The following CEP85L variants were observed in gnomAD, a reference collection of about 807,000 sequenced individuals.
The protein encoded by CEP85L is centrosomal protein 85L.
In CEP85L, 60 loss-of-function variants were observed where a neutral mutation model predicts 100.3. The observed-to-expected ratio is 0.60, with a 90% CI of 0.49 to 0.74. The LOEUF (loss-of-function observed/expected upper bound fraction) is 0.74, where lower values mean the gene tolerates loss of function less well. CEP85L is among the 30% of genes least tolerant of loss of function. The pLI, the probability that CEP85L is intolerant of heterozygous loss-of-function variation, is 0.00. For synonymous variants in CEP85L, 319 were observed against 322.7 expected (o/e 0.99, Z 0.12); for missense variants, 973 against 936.2 (o/e 1.04, Z -0.51).
intron 2 of CEP85L, among the ~76,000 whole-genome samples, chr6:118,600,343 G>GTT (rs1781707488): frequency 7.4e-6 from 1 of 135,278 alleles, no homozygotes; most frequent in East Asian, 2.2e-4. Flanking sequence ...GTGTGTGTGT[G>GTT]TGTGTGTGTG....
chr6:118,600,300 G>GGTGTGTGTGTGTGTGTGTGTGTGTGT (rs59278037), intron 2 of CEP85L, among the ~76,000 whole-genome samples: 1 of 52,236 alleles, frequency 1.9e-5, no homozygotes, highest in East Asian at 5.9e-4. Context: ...CCTTCCTGGG[G>GGTGTGTGTGTGTGTGTGTGTGTGTGT]GTGTGTGTGT....
At chr6:118,519,367 A>T (rs1232982439) in intron 4 of CEP85L, among the ~76,000 whole-genome samples, 1 of 147,322 alleles carries the variant, frequency 6.8e-6, no homozygotes, top group Admixed American at 6.8e-5. Context: ...TGAACCCGGG[A>T]GGCGGAGGTT....
At chr6:118,697,368 T>G (rs1326361782) in intron 1 of CEP85L, among the ~76,000 whole-genome samples, 1 of 152,230 alleles carries the variant, frequency 6.6e-6, no homozygotes, top group Non-Finnish European at 1.5e-5. Flanking sequence ...GGTCTTTATC[T>G]TTCCACTTCC....
At chr6:118,493,917 G>C (rs982620509) in intron 5 of CEP85L, among the ~76,000 whole-genome samples, 1 of 152,028 alleles carries the variant, frequency 6.6e-6, no homozygotes, top group African/African-American at 2.4e-5. Context: ...AGCTAATACA[G>C]ACTTCCAGTT....
rs772201912 is a variant in CEP85L at position 118,566,002 on chromosome 6, A to T, written c.547T>A (p.Leu183Met). ...TVCREESRNG[L>M]EKIGKAKALT... ...GCCTTAGCCTTCCCTATCTTCTCCAAACCATTCCTTGACTCTTCTCTGCAT... is the reference window on the plus strand; with the variant it reads ...GCCTTAGCCTTCCCTATCTTCTCCATACCATTCCTTGACTCTTCTCTGCAT... The change falls in exon 3 of 13, where the codon TTG becomes ATG. Residue 183 changes from leucine (L) to methionine (M), a missense_variant. By Grantham distance (15) the Leu-to-Met change is conservative. Coordinates refer to ENST00000368491, the MANE Select transcript of CEP85L (RefSeq NM_001042475.3). The T allele has an allele frequency of 6.2e-7, 1 of 1,614,136 alleles. No homozygotes were observed. Among genetic ancestry groups the T allele is most frequent in the Non-Finnish European group, 8.5e-7 (1 of 1,180,026 alleles).
chr6:118,606,013 C>CA (rs61023993), intron 2 of CEP85L, among the ~76,000 whole-genome samples: 56,228 of 101,642 alleles, frequency 0.55, 13,855 homozygotes, highest in Middle Eastern at 0.66. Flanking sequence ...GACTCTGTCT[C>CA]AAAAAAAAAA....
chr6:118,490,492 C>T (rs1398693636), intron 6 of CEP85L, among the ~76,000 whole-genome samples: 2 of 152,158 alleles, frequency 1.3e-5, no homozygotes, highest in Non-Finnish European at 2.9e-5. Flanking sequence ...GAATTCCCAA[C>T]ACTAGTAGTG....
intron 4 of CEP85L, among the ~76,000 whole-genome samples, chr6:118,513,616 C>T (rs1354452765): frequency 6.6e-6 from 1 of 151,824 alleles, no homozygotes; most frequent in African/African-American, 2.4e-5. Context: ...GAAAACAACA[C>T]AAAAAGCATA....
intron 3 of CEP85L, among the ~76,000 whole-genome samples, chr6:118,555,326 G>C (rs911658916): frequency 4.6e-5 from 7 of 151,268 alleles, no homozygotes; most frequent in African/African-American, 1.7e-4. Context: ...TACTCGGGAG[G>C]CTAAGGCAGG....
chr6:118,552,890 C>A (rs1778634936), intron 3 of CEP85L, among the ~76,000 whole-genome samples: 1 of 152,066 alleles, frequency 6.6e-6, no homozygotes, highest in African/African-American at 2.4e-5. Flanking sequence ...AAACTCCTAA[C>A]AAGCACCTTT....
At chr6:118,546,197 G>A (rs1402040795) in intron 3 of CEP85L, among the ~76,000 whole-genome samples, 2 of 151,950 alleles carry the variant, frequency 1.3e-5, no homozygotes, top group Non-Finnish European at 2.9e-5. Flanking sequence ...TAACCCAAAG[G>A]AACAAGGTAA....
chr6:118,622,501 G>A (rs1371214574), intron 2 of CEP85L, among the ~76,000 whole-genome samples: 1 of 152,170 alleles, frequency 6.6e-6, no homozygotes, highest in African/African-American at 2.4e-5. Flanking sequence ...GGTACAAAGG[G>A]CAGGCTATGC....
chr6:118,484,920 T>G (rs139552416), intron 6 of CEP85L, among the ~76,000 whole-genome samples: 1 of 152,214 alleles, frequency 6.6e-6, no homozygotes, highest in African/African-American at 2.4e-5. Flanking sequence ...TGTGTCATAA[T>G]TGAATTTGCA....
At chr6:118,631,302 T>C (rs1022267529) in intron 2 of CEP85L, among the ~76,000 whole-genome samples, 6 of 152,160 alleles carry the variant, frequency 3.9e-5, no homozygotes, top group African/African-American at 1.4e-4. Flanking sequence ...ACTATCAAAA[T>C]GGCTAAATTT....
intron 1 of CEP85L, among the ~76,000 whole-genome samples, chr6:118,705,380 A>C (rs1324312997): frequency 6.6e-6 from 1 of 152,264 alleles, no homozygotes; most frequent in African/African-American, 2.4e-5. Flanking sequence ...AATTTGCAGA[A>C]GGGAGGAAGA....
intron 3 of CEP85L, among the ~76,000 whole-genome samples, chr6:118,542,597 T>G (rs1038394101): frequency 1.3e-5 from 2 of 152,100 alleles, no homozygotes; most frequent in Admixed American, 6.5e-5. Context: ...AGATTCATTT[T>G]CTGAAAATCA....
rs76399616 is a variant in CEP85L at position 118,553,961 on chromosome 6, T to A, written c.1020+11568A>T. Reference sequence around the variant, plus strand: ...TACATGTCCAACTAACAAATTGTTATTAGAACTAGTTAATCTGTCAATCAC... The same window carrying A: ...TACATGTCCAACTAACAAATTGTTAATAGAACTAGTTAATCTGTCAATCAC... On this transcript the variant is annotated intron_variant, in intron 3 of 12. Coordinates refer to ENST00000368491, the MANE Select transcript of CEP85L (RefSeq NM_001042475.3). 3.7e-3 allele frequency among the ~76,000 whole-genome samples: 565 copies of A among 152,312 alleles called. 3 individuals are homozygous for A. Among genetic ancestry groups the A allele is most frequent in the African/African-American group, 0.013 (539 of 41,572 alleles).
chr6:118,505,775 CA>C (rs1211079373), intron 5 of CEP85L, among the ~76,000 whole-genome samples: 21 of 152,112 alleles, frequency 1.4e-4, no homozygotes, highest in African/African-American at 4.8e-4. Flanking sequence ...ATTTCTAGGG[CA>C]GTGAAACTAC....
At chr6:118,599,315 G>A (rs1781605664) in intron 2 of CEP85L, among the ~76,000 whole-genome samples, 1 of 152,194 alleles carries the variant, frequency 6.6e-6, no homozygotes, top group African/African-American at 2.4e-5. Context: ...TGGTGTCCAT[G>A]TCAAAGTGTC....
Sources: allele counts gnomAD v4.1 joint callset (sites outside exome capture counted in the v4.1 genomes callset), GRCh38; gene constraint gnomAD v4.1.1; transcripts MANE v1.5; gene names NCBI Gene and HGNC (gene_info 2026-07-23, HGNC 2026-07-21).